The following PRKG2 variants were observed in gnomAD, a reference collection of about 807,000 sequenced individuals.
PRKG2 encodes the protein cGMP-dependent protein kinase 2.
PRKG2 carries 33 observed loss-of-function variants against 97.2 expected under a neutral mutation model. The ratio of observed to expected loss-of-function variants is 0.34; its 90% confidence interval spans 0.26 to 0.45. The LOEUF is 0.45. PRKG2 is among the 20% of genes least tolerant of loss of function. The probability of loss-of-function intolerance (pLI) is 1.00; values close to 1 mark genes in which losing one functional copy is unlikely to be tolerated. For missense variants in PRKG2, 638 were observed against 900.0 expected, an observed-to-expected ratio of 0.71 and a Z score of 3.73; for synonymous variants, 330 against 321.8, an observed-to-expected ratio of 1.03 and a Z score of -0.27.
chr4:81,161,361 C>T (rs536024994), intron 6 of PRKG2, among the ~76,000 whole-genome samples: 5 of 152,248 alleles, frequency 3.3e-5, no homozygotes, highest in South Asian at 2.1e-4. Flanking sequence ...TTTAGGAAAG[C>T]GCATTAGTTC....
In PRKG2 at chr4:81,113,044, G is replaced by A. The variant is rs549780575; in HGVS notation, c.1777-2433C>T. On this transcript the variant is annotated intron_variant, in intron 14 of 18. Transcript: ENST00000264399. ...CTCTGTAAGCATCCGAGCGGCAGTC[G>A]TGCCACCAAAAGGAAGAGCCAGTGA... Among the ~76,000 whole-genome samples, 52 of 152,226 alleles carry A rather than the reference G, an allele frequency of 3.4e-4. No homozygotes were observed. The South Asian group carries it at 5.6e-3, about 16-fold the overall frequency.
intron 2 of PRKG2, among the ~76,000 whole-genome samples, chr4:81,189,094 A>AAAAAAAAAAAAAAAAAAAAAAAAT (rs1553930140): frequency 9.1e-6 from 1 of 110,000 alleles, no homozygotes; most frequent in Non-Finnish European, 1.6e-5. Flanking sequence ...AAAAAAAAAG[A>AAAAAAAAAAAAAAAAAAAAAAAAT]AGCTAGCAAT....
intron 11 of PRKG2, among the ~76,000 whole-genome samples, chr4:81,141,951 T>C (rs1415868327): frequency 6.6e-6 from 1 of 152,168 alleles, no homozygotes; most frequent in Non-Finnish European, 1.5e-5. Flanking sequence ...AATCTGCTCA[T>C]GCCCAAAGCC....
chr4:81,154,711 C>T (rs1230674350), intron 6 of PRKG2, among the ~76,000 whole-genome samples: 1 of 152,152 alleles, frequency 6.6e-6, no homozygotes, highest in Non-Finnish European at 1.5e-5. Flanking sequence ...AAGCAGAGCG[C>T]CTCTCCTCCT....
chr4:81,169,466 T>C (rs557456173), intron 5 of PRKG2, among the ~76,000 whole-genome samples, 197 bp downstream of exon 5: 2 of 152,180 alleles, frequency 1.3e-5, no homozygotes, highest in African/African-American at 2.4e-5. Flanking sequence ...AATAAATGAG[T>C]ATACAAGGAT....
At chr4:81,145,369 G>T (rs1290032614) in intron 9 of PRKG2, among the ~76,000 whole-genome samples, 1 of 152,220 alleles carries the variant, frequency 6.6e-6, no homozygotes, top group South Asian at 2.1e-4. Flanking sequence ...GCTTAATAAA[G>T]TTAAGCTATA....
chr4:81,090,346 A>C (rs141861915), intron 18 of PRKG2, among the ~76,000 whole-genome samples: 3,525 of 152,050 alleles, frequency 0.023, 138 homozygotes, highest in African/African-American at 0.081. Context: ...TAACAGAGTG[A>C]GACTTTCTCT....
chr4:81,169,704 T>G lies in PRKG2; in HGVS notation c.807A>C (p.Thr269=), dbSNP rs751279513. The G allele has an allele frequency of 3.7e-6, 6 of 1,610,248 alleles. No individual in the cohort carries two copies. Among genetic ancestry groups the G allele is most frequent in the Admixed American group, 1.7e-5 (1 of 59,558 alleles). Residue 269 remains threonine, a synonymous_variant, in exon 5 of 19, where the codon ACA becomes ACC. Transcript: ENST00000264399. ...TGTATTGTTCATCTCTAGCTTGGGC[T>G]GTCCTCCTCATTATATTCTGGAATA... ...REVFQNIMRR[T]AQARDEQYRN...
intron 14 of PRKG2, among the ~76,000 whole-genome samples, chr4:81,131,001 C>T (rs1746120651): frequency 6.6e-6 from 1 of 152,170 alleles, no homozygotes; most frequent in East Asian, 1.9e-4. Flanking sequence ...ATGGTTCTGT[C>T]TCACTTGCAT....
At chr4:81,145,464 C>A (rs1336257487) in intron 9 of PRKG2, among the ~76,000 whole-genome samples, 1 of 152,120 alleles carries the variant, frequency 6.6e-6, no homozygotes, top group African/African-American at 2.4e-5. Flanking sequence ...AAATCCAAAT[C>A]ATTTTACCTT....
intron 14 of PRKG2, among the ~76,000 whole-genome samples, chr4:81,130,417 T>C (rs1203923773): frequency 1.3e-5 from 2 of 152,268 alleles, no homozygotes; most frequent in African/African-American, 2.4e-5. Context: ...CTGTATGAGA[T>C]ATCTGTTGAT....
chr4:81,153,672 C>G lies in PRKG2; in HGVS notation c.962G>C (p.Ser321Thr). Residue 321 changes from serine to threonine, a missense_variant, in exon 7 of 19, where the codon AGT becomes ACT. Ser to Thr is a moderately conservative substitution (Grantham distance 58). Coordinates refer to ENST00000264399, the MANE Select transcript of PRKG2 (RefSeq NM_006259.3). ...DYIIREGEEG[S>T]TFFILAKGKV... ...TCCTTTTGCCAAAATGAAAAAGGTA[C>G]TTCCTTCCTCGCCCTCTCTAATGAT... The G allele has an allele frequency of 1.2e-6, 2 of 1,602,844 alleles. No homozygotes were observed. The highest frequency in any genetic ancestry group is 1.7e-6 in the Non-Finnish European group (2 of 1,169,828).
At chr4:81,158,615 AC>A (rs1181758863) in intron 6 of PRKG2, among the ~76,000 whole-genome samples, 1 of 152,064 alleles carries the variant, frequency 6.6e-6, no homozygotes, top group Non-Finnish European at 1.5e-5. Flanking sequence ...TTCATATGGA[AC>A]CAAAAAAGAG....
intron 17 of PRKG2, among the ~76,000 whole-genome samples, chr4:81,093,593 G>A (rs1275085866): frequency 6.6e-6 from 1 of 152,112 alleles, no homozygotes; most frequent in African/African-American, 2.4e-5. Flanking sequence ...CTTGATATGG[G>A]ACAGGGGCTC....
chr4:81,160,090 C>T (rs1388052782), intron 6 of PRKG2, among the ~76,000 whole-genome samples: 1 of 151,126 alleles, frequency 6.6e-6, no homozygotes, highest in African/African-American at 2.4e-5. Flanking sequence ...GCACATGTAC[C>T]CTAAAACTTA....
In PRKG2 at chr4:81,204,775, T is replaced by C; in HGVS notation, c.273A>G (p.Gly91=). 6.2e-7 allele frequency: 1 copy of C among 1,614,158 alleles called. No individual in the cohort carries two copies. The highest frequency in any genetic ancestry group is 8.5e-7 in the Non-Finnish European group (1 of 1,180,034). The change falls in exon 2 of 19, where the codon GGA becomes GGG. Residue 91 remains glycine, a synonymous_variant. Transcript: ENST00000264399. ...KLQDVVHMQG[G]SPLQASPDKV... The stretch of plus-strand genomic sequence containing the variant: ...TATCTGGAGAGGCCTGAAGCGGGCT[T>C]CCTCCCTGCATATGCACCACATCCT...
chr4:81,212,695 G>T (rs1468244370), intron 1 of PRKG2, among the ~76,000 whole-genome samples: 1 of 152,300 alleles, frequency 6.6e-6, no homozygotes, highest in East Asian at 1.9e-4. Context: ...ATATTAAGCA[G>T]TTATTGATAC....
intron 6 of PRKG2, among the ~76,000 whole-genome samples, chr4:81,156,135 A>C (rs1749069320): frequency 6.6e-6 from 1 of 152,230 alleles, no homozygotes; most frequent in African/African-American, 2.4e-5. Context: ...ACAGACTGGC[A>C]AATTGGATAA....
chr4:81,092,492 G>GGAAGGAAGGAAA, intron 17 of PRKG2, 40 bp from the exon 18 acceptor site: 1 of 1,019,218 alleles, frequency 9.8e-7, no homozygotes, highest in Non-Finnish European at 1.5e-6. Context: ...AAGGAAGGAA[G>GGAAGGAAGGAAA]GAAGGAAGGA....
Sources: gnomAD v4.1 joint callset for allele counts (sites outside exome capture counted in the v4.1 genomes callset) on GRCh38, gnomAD v4.1.1 for gene constraint, MANE v1.5 for transcripts, NCBI Gene and HGNC (gene_info 2026-07-23, HGNC 2026-07-21) for gene names.